Variants in PELI2 observed in about 807,000 individuals in gnomAD.
PELI2 encodes pellino E3 ubiquitin protein ligase family member 2, also known as E3 ubiquitin-protein ligase pellino homolog 2.
In PELI2, 23 loss-of-function variants were observed where a neutral mutation model predicts 42.3. The ratio of observed to expected loss-of-function variants is 0.54; its 90% confidence interval spans 0.39 to 0.77. PELI2 has a LOEUF of 0.77. Ranked by LOEUF, PELI2 falls within the 30% of genes least tolerant of loss-of-function variation. PELI2 has a pLI of 0.00. For missense variants in PELI2, 463 were observed against 553.2 expected (o/e 0.84, Z 1.64); for synonymous variants, 245 against 212.2 (o/e 1.15, Z -1.34).
At position 56,213,280 on chromosome 14, in the gene PELI2, A is replaced by T. The variant is rs558298069; in HGVS notation, c.207+34816A>T. On this transcript the variant is annotated intron_variant, in intron 2 of 5. Coordinates refer to ENST00000267460, the MANE Select transcript of PELI2 (RefSeq NM_021255.3). ...ATGTGTGGATGAAGTTACAGTTTTT[A>T]TCATCATGAATTACTTTTATTTCTG... Among the ~76,000 whole-genome samples, 4 of 152,346 alleles carry T rather than the reference A, an allele frequency of 2.6e-5. No homozygotes were observed. In the South Asian group the frequency reaches 8.3e-4, roughly 32 times the overall value.
chr14:56,136,828 T>C (rs772626392), intron 1 of PELI2, among the ~76,000 whole-genome samples: 15 of 152,218 alleles, frequency 9.9e-5, no homozygotes, highest in Non-Finnish European at 1.8e-4. Context: ...TTTGTAATTG[T>C]GCACTCTGAG....
chr14:56,238,658 G>A (rs757807065), intron 2 of PELI2, among the ~76,000 whole-genome samples: 1 of 152,124 alleles, frequency 6.6e-6, no homozygotes, highest in South Asian at 2.1e-4. Context: ...AATAAGGTTT[G>A]TTCTAAATTT....
Position 56,297,416 on chromosome 14 carries a change from ATT to A in PELI2, c.*252_*253del, listed in dbSNP as rs1226621159. The A allele has an allele frequency of 1.1e-5, 4 of 375,524 alleles. No homozygotes were observed. The highest frequency in any genetic ancestry group is 7.2e-4 in the Middle Eastern group (1 of 1,392). The allele number at this position is 375,524 out of a possible 1,614,324, so 23.3% of individuals were successfully genotyped here. Reference sequence around the variant, plus strand: ...ACCATAATATCTTTGTAATAATTGGATTTAAAATGCTATGCTTCTATTTTTAA... The same window carrying A: ...ACCATAATATCTTTGTAATAATTGGATAAAATGCTATGCTTCTATTTTTAA... On this transcript the variant is annotated 3_prime_UTR_variant, in exon 6 of 6. Coordinates refer to ENST00000267460, the MANE Select transcript of PELI2 (RefSeq NM_021255.3).
chr14:56,270,990 A>T (rs1285666655), intron 2 of PELI2, among the ~76,000 whole-genome samples: 1 of 152,232 alleles, frequency 6.6e-6, no homozygotes, highest in East Asian at 1.9e-4. Context: ...AGCCAGTTTG[A>T]TATAAATGTT....
intron 1 of PELI2, among the ~76,000 whole-genome samples, chr14:56,170,049 G>T (rs1235221743): frequency 6.6e-6 from 1 of 152,218 alleles, no homozygotes; most frequent in Non-Finnish European, 1.5e-5. Flanking sequence ...GAGACTGTGT[G>T]CCCTGCCTTT....
At chr14:56,268,070 C>T (rs979912731) in intron 2 of PELI2, among the ~76,000 whole-genome samples, 5 of 152,198 alleles carry the variant, frequency 3.3e-5, no homozygotes, top group African/African-American at 1.2e-4. Context: ...GCATTTACTA[C>T]TGACTCACTA....
intron 2 of PELI2, among the ~76,000 whole-genome samples, chr14:56,220,189 C>T (rs540612876): frequency 3.3e-5 from 5 of 152,312 alleles, no homozygotes; most frequent in African/African-American, 4.8e-5. Context: ...TGACAGAGCA[C>T]TGTTGCCAGT....
chr14:56,214,194 A>G (rs1377848988), intron 2 of PELI2, among the ~76,000 whole-genome samples: 3 of 152,054 alleles, frequency 2.0e-5, no homozygotes, highest in African/African-American at 7.2e-5. Context: ...GATTTGTCCT[A>G]ATGTCACTAC....
chr14:56,173,904 T>G (rs553507526), intron 1 of PELI2, among the ~76,000 whole-genome samples: 7 of 152,134 alleles, frequency 4.6e-5, no homozygotes, highest in South Asian at 2.1e-4. Context: ...GTGACATGGA[T>G]GTATCTTTTT....
intron 2 of PELI2, among the ~76,000 whole-genome samples, chr14:56,267,165 A>G (rs1379821078): frequency 6.6e-6 from 1 of 152,098 alleles, no homozygotes; most frequent in Non-Finnish European, 1.5e-5. Flanking sequence ...CTTTTGCTCT[A>G]CAAATCAGTC....
intron 2 of PELI2, among the ~76,000 whole-genome samples, chr14:56,244,427 A>G (rs1482755589): frequency 1.3e-5 from 2 of 152,222 alleles, no homozygotes; most frequent in Non-Finnish European, 2.9e-5. Flanking sequence ...TGTGTAACAC[A>G]CGAGGGAGAA....
At chr14:56,191,289 A>T (rs537490571) in intron 2 of PELI2, among the ~76,000 whole-genome samples, 2 of 152,368 alleles carry the variant, frequency 1.3e-5, no homozygotes, top group East Asian at 3.9e-4. Context: ...TGAAGTGCAA[A>T]GCAGTTTAAT....
intron 2 of PELI2, among the ~76,000 whole-genome samples, chr14:56,231,878 G>T (rs1480072675): frequency 6.6e-6 from 1 of 151,878 alleles, no homozygotes; most frequent in Non-Finnish European, 1.5e-5. Context: ...TAATAAAGAA[G>T]AAAAGAGAGA....
intron 2 of PELI2, among the ~76,000 whole-genome samples, chr14:56,242,700 C>A (rs1013623175): frequency 5.9e-5 from 9 of 152,200 alleles, no homozygotes; most frequent in Non-Finnish European, 1.2e-4. Context: ...AAGACATTTG[C>A]AGCAACTTGG....
chr14:56,254,006 A>G (rs1379861282), intron 2 of PELI2, among the ~76,000 whole-genome samples: 2 of 152,214 alleles, frequency 1.3e-5, no homozygotes, highest in Admixed American at 6.5e-5. Context: ...TACATAGACC[A>G]ATGAAACAGA....
chr14:56,218,745 G>A (rs1426523510), intron 2 of PELI2, among the ~76,000 whole-genome samples: 1 of 151,974 alleles, frequency 6.6e-6, no homozygotes, highest in East Asian at 1.9e-4. Context: ...GAGAGAGGTT[G>A]GTGGGGAATG....
chr14:56,193,348 A>T (rs548927503), intron 2 of PELI2, among the ~76,000 whole-genome samples: 97 of 152,234 alleles, frequency 6.4e-4, no homozygotes, highest in African/African-American at 2.2e-3. Context: ...CTTGAATTTA[A>T]CCCATTATCT....
At chr14:56,154,885 G>A (rs550775213) in intron 1 of PELI2, among the ~76,000 whole-genome samples, 12 of 152,212 alleles carry the variant, frequency 7.9e-5, no homozygotes, top group Non-Finnish European at 1.3e-4. Flanking sequence ...ACGGTAGTAT[G>A]TTAGAGCACT....
At chr14:56,230,786 A>G (rs974732365) in intron 2 of PELI2, among the ~76,000 whole-genome samples, 9 of 152,242 alleles carry the variant, frequency 5.9e-5, no homozygotes, top group Non-Finnish European at 8.8e-5. Flanking sequence ...AAATGTTCCA[A>G]TTAAAAGACA....
Sources: gnomAD v4.1 joint callset for allele counts (sites outside exome capture counted in the v4.1 genomes callset) on GRCh38, gnomAD v4.1.1 for gene constraint, MANE v1.5 for transcripts, NCBI Gene and HGNC (gene_info 2026-07-23, HGNC 2026-07-21) for gene names.